The following PTPRG variants were observed in gnomAD, a reference collection of about 807,000 sequenced individuals.
The protein encoded by PTPRG is protein tyrosine phosphatase receptor type G, also known as receptor-type tyrosine-protein phosphatase gamma.
A neutral mutation model predicts 165.3 loss-of-function variants in PTPRG; 102 were observed. That is an observed-to-expected ratio of 0.62 (90% CI 0.53 to 0.73). The LOEUF (loss-of-function observed/expected upper bound fraction) is 0.73, where lower values mean the gene tolerates loss of function less well. PTPRG is among the 30% of genes least tolerant of loss of function. The pLI, the probability that PTPRG is intolerant of heterozygous loss-of-function variation, is 0.00. For synonymous variants in PTPRG, 675 were observed against 669.5 expected (o/e 1.01, Z -0.13); for missense variants, 1,866 against 1,861.4 (o/e 1.00, Z -0.05).
chr3:62,281,243 G>A (rs1259173898), intron 26 of PTPRG, among the ~76,000 whole-genome samples: 1 of 151,942 alleles, frequency 6.6e-6, no homozygotes, highest in African/African-American at 2.4e-5. Context: ...AAAATTAACT[G>A]ACCTAGATCC....
At chr3:61,844,034 T>G (rs12635186) in intron 2 of PTPRG, among the ~76,000 whole-genome samples, 39,052 of 150,264 alleles carry the variant, frequency 0.26, 6,033 homozygotes, top group East Asian at 0.53. Flanking sequence ...CACAATCTCG[T>G]CTCACTGCAA....
chr3:61,937,120 A>G (rs1395175548), intron 2 of PTPRG, among the ~76,000 whole-genome samples: 1 of 152,190 alleles, frequency 6.6e-6, no homozygotes, highest in Admixed American at 6.5e-5. Flanking sequence ...ATGTAGCATC[A>G]AAGGAAATCA....
chr3:62,251,050 C>T (rs551848332), intron 15 of PTPRG, among the ~76,000 whole-genome samples: 1 of 152,140 alleles, frequency 6.6e-6, no homozygotes, highest in African/African-American at 2.4e-5. Context: ...GGTAGTGGTC[C>T]CACTTTTGCC....
intron 28 of PTPRG, among the ~76,000 whole-genome samples, chr3:62,289,766 T>C (rs1456307666): frequency 6.8e-6 from 1 of 147,112 alleles, no homozygotes; most frequent in African/African-American, 2.5e-5. Context: ...ATAATTGTTA[T>C]TTACCAGATG....
intron 7 of PTPRG, among the ~76,000 whole-genome samples, chr3:62,167,375 C>T (rs531017327): frequency 2.6e-5 from 4 of 152,246 alleles, no homozygotes; most frequent in South Asian, 2.1e-4. Context: ...AATTAAATCC[C>T]TAATATTTAT....
At chr3:62,088,630 C>T (rs1174903943) in intron 5 of PTPRG, among the ~76,000 whole-genome samples, 1 of 152,184 alleles carries the variant, frequency 6.6e-6, no homozygotes, top group East Asian at 1.9e-4. Context: ...TTGAAACAAG[C>T]ACCAATTTAA....
intron 5 of PTPRG, among the ~76,000 whole-genome samples, chr3:62,098,557 G>A (rs1702189349): frequency 6.6e-6 from 1 of 151,826 alleles, no homozygotes; most frequent in African/African-American, 2.4e-5. Flanking sequence ...TTTTATTCTG[G>A]CCATTAAAAA....
chr3:62,007,819 C>G (rs75161629), intron 4 of PTPRG, among the ~76,000 whole-genome samples: 4,703 of 152,242 alleles, frequency 0.031, 72 homozygotes, highest in South Asian at 0.062. Flanking sequence ...TAAGGATATG[C>G]AAAAGCCCTG....
intron 1 of PTPRG, among the ~76,000 whole-genome samples, chr3:61,709,918 A>G (rs528404964): frequency 2.3e-4 from 35 of 152,214 alleles, no homozygotes; most frequent in African/African-American, 8.4e-4. Flanking sequence ...CTTATTCCCA[A>G]GGTCTGGGTT....
chr3:61,846,033 T>C (rs1168068732), intron 2 of PTPRG, among the ~76,000 whole-genome samples: 1 of 152,182 alleles, frequency 6.6e-6, no homozygotes, highest in East Asian at 1.9e-4. Flanking sequence ...GCTGTCACCT[T>C]GAGCAAAGTG....
rs886730296 is a variant in PTPRG at position 62,210,404 on chromosome 3, A to G, written c.2155+6454A>G. Among the ~76,000 whole-genome samples the G allele has an allele frequency of 4.6e-5, 7 of 152,228 alleles. No homozygotes were observed. The highest frequency in any genetic ancestry group is 3.3e-4 in the Admixed American group (5 of 15,286). On this transcript the variant is annotated intron_variant, in intron 12 of 29. Transcript: ENST00000474889. The surrounding 1 kb of genome is among the most constrained non-coding windows in gnomAD (Gnocchi z 4.1). ...TTTCACACCCGTTAGAATGGCTTCTATCAAAAATATAGAAAATAAATGTTG... is the reference window on the plus strand; with the variant it reads ...TTTCACACCCGTTAGAATGGCTTCTGTCAAAAATATAGAAAATAAATGTTG...
At chr3:62,040,214 C>G (rs1310864117) in intron 4 of PTPRG, among the ~76,000 whole-genome samples, 1 of 152,170 alleles carries the variant, frequency 6.6e-6, no homozygotes, top group East Asian at 1.9e-4. Context: ...TTTCACATAC[C>G]AAAGTACATT....
intron 1 of PTPRG, among the ~76,000 whole-genome samples, chr3:61,646,407 T>C (rs7623282): frequency 0.44 from 66,222 of 152,158 alleles, 15,526 homozygotes; most frequent in African/African-American, 0.61. Context: ...CCACCGCTCC[T>C]GGCCAGATCA....
intron 4 of PTPRG, among the ~76,000 whole-genome samples, chr3:62,052,048 T>G (rs568134934): frequency 6.6e-6 from 1 of 152,366 alleles, no homozygotes; most frequent in African/African-American, 2.4e-5. Flanking sequence ...TAATCAGATC[T>G]GACATGGAGC....
chr3:62,028,139 A>C (rs1699634150), intron 4 of PTPRG, among the ~76,000 whole-genome samples: 1 of 152,216 alleles, frequency 6.6e-6, no homozygotes, highest in Non-Finnish European at 1.5e-5. Context: ...CTTTGTTCTA[A>C]AGAGGAGAAA....
intron 2 of PTPRG, among the ~76,000 whole-genome samples, chr3:61,836,362 G>C (rs1343560222): frequency 6.6e-6 from 1 of 152,142 alleles, no homozygotes; most frequent in Admixed American, 6.5e-5. Context: ...CTTGAAAGTG[G>C]TTGAAGTAAT....
intron 1 of PTPRG, among the ~76,000 whole-genome samples, chr3:61,603,006 T>G (rs1700910284): frequency 6.6e-6 from 1 of 152,192 alleles, no homozygotes; most frequent in South Asian, 2.1e-4. Context: ...TGTATAATGG[T>G]TTGCTACTGC....
chr3:61,636,964 A>G (rs2106942960), intron 1 of PTPRG, among the ~76,000 whole-genome samples: 2 of 152,268 alleles, frequency 1.3e-5, no homozygotes. Flanking sequence ...AACCTTGGGT[A>G]CTATGCCAAT....
intron 2 of PTPRG, among the ~76,000 whole-genome samples, chr3:61,983,326 A>G (rs2040682864): frequency 6.6e-6 from 1 of 152,142 alleles, no homozygotes; most frequent in Non-Finnish European, 1.5e-5. Context: ...ATTAATTATA[A>G]TAGGTAAAAA....
Sources: allele counts gnomAD v4.1 joint callset (sites outside exome capture counted in the v4.1 genomes callset), GRCh38; gene constraint gnomAD v4.1.1; non-coding constraint Gnocchi (gnomAD v3.1); transcripts MANE v1.5; gene names NCBI Gene and HGNC (gene_info 2026-07-23, HGNC 2026-07-21).